Variants in PDE9A observed in about 807,000 individuals in gnomAD.
The protein encoded by PDE9A is high affinity cGMP-specific 3',5'-cyclic phosphodiesterase 9A.
Under a neutral mutation model 87.4 loss-of-function variants are expected in PDE9A, and 60 were observed. The observed-to-expected ratio is 0.69, with a 90% confidence interval of 0.56 to 0.85. The LOEUF is 0.85. PDE9A is among the 40% of genes least tolerant of loss of function. The pLI, the probability that PDE9A is intolerant of heterozygous loss-of-function variation, is 0.00. For missense variants in PDE9A, 665 were observed against 779.0 expected, an observed-to-expected ratio of 0.85 and a Z score of 1.74; for synonymous variants, 272 against 279.4, an observed-to-expected ratio of 0.97 and a Z score of 0.27.
rs2060043568 is a variant in PDE9A at position 42,694,555 on chromosome 21, TTC to T, written c.219-4409_219-4408del. On this transcript the variant is annotated intron_variant, in intron 3 of 19. Transcript: ENST00000291539. This position sits in a 1 kb window ranked among gnomAD's most constrained non-coding sequence, Gnocchi z 5.3. ...TCTTAGAGCTTAAAACTCTAGCTTC[TTC>T]TCTGCTCCTCATTCCAAACTAAACA... Among the ~76,000 whole-genome samples the T allele has an allele frequency of 6.6e-6, 1 of 152,212 alleles. No individual in the cohort carries two copies. The highest frequency in any genetic ancestry group is 2.1e-4 in the South Asian group (1 of 4,834).
rs2055602367 is a variant in PDE9A at position 42,760,487 on chromosome 21, C to T, written c.1002+55C>T. Reference sequence around the variant, plus strand: ...TCTACTCTCGGGGGTCAGACGGAGGCCCCCTTCCAGGGAGCGGCAGCCCCA... The same window carrying T: ...TCTACTCTCGGGGGTCAGACGGAGGTCCCCTTCCAGGGAGCGGCAGCCCCA... On this transcript the variant is annotated intron_variant, in intron 12 of 19. Transcript: ENST00000291539. The surrounding 1 kb of genome is among the most constrained non-coding windows in gnomAD (Gnocchi z 5.2). 2.6e-6 allele frequency: 3 copies of T among 1,134,022 alleles called. No individual in the cohort carries two copies. Among genetic ancestry groups the T allele is most frequent in the Non-Finnish European group, 3.9e-6 (3 of 771,170 alleles). The allele number at this position is 1,134,022 out of a possible 1,614,324, so 70.2% of individuals were successfully genotyped here.
At chr21:42,669,313 C>G (rs769328225) in intron 1 of PDE9A, among the ~76,000 whole-genome samples, 11 of 152,078 alleles carry the variant, frequency 7.2e-5, no homozygotes, top group Admixed American at 6.5e-4. Flanking sequence ...TTGGGAATTG[C>G]GGCCGCATCA....
rs937453650 is a variant in PDE9A at position 42,694,790 on chromosome 21, A to G, written c.219-4178A>G. On this transcript the variant is annotated intron_variant, in intron 3 of 19. Transcript: ENST00000291539. The surrounding 1 kb of genome is among the most constrained non-coding windows in gnomAD (Gnocchi z 5.3). ...AACACACTTTCATCCCATCACTCCC[A>G]GCATGGAGTTCTCCAGTGGCCTGTT... 3.3e-5 allele frequency among the ~76,000 whole-genome samples: 5 copies of G among 152,130 alleles called. No homozygotes were observed. The highest frequency in any genetic ancestry group is 1.2e-4 in the African/African-American group (5 of 41,414).
rs192329997 is a variant in PDE9A, at chr21:42,659,787, C to G, written c.69+5904C>G. On this transcript the variant is annotated intron_variant, in intron 1 of 19. Coordinates refer to ENST00000291539, the MANE Select transcript of PDE9A (RefSeq NM_002606.3). This position sits in a 1 kb window ranked among gnomAD's most constrained non-coding sequence, Gnocchi z 4.1. ...GCCCGCACCTTCGTCTTCCAGCCAG[C>G]CTCTCCGGAGCTCAGTGTGGGTGGA... 6.6e-6 allele frequency among the ~76,000 whole-genome samples: 1 copy of G among 152,340 alleles called. No homozygotes were observed. Among genetic ancestry groups the G allele is most frequent in the Non-Finnish European group, 1.5e-5 (1 of 68,034 alleles).
At position 42,721,938 on chromosome 21, in the gene PDE9A, C is replaced by T. The variant is rs956005561; in HGVS notation, c.263-9832C>T. On this transcript the variant is annotated intron_variant, in intron 4 of 19. Coordinates refer to ENST00000291539, the MANE Select transcript of PDE9A (RefSeq NM_002606.3). ...ATGCAAAAATAAAAAATAAGAGACC[C>T]CTTTTACCCTTTTCTGAAAGGATAG... is the stretch of plus-strand genomic sequence containing the variant. Among the ~76,000 whole-genome samples the T allele has an allele frequency of 1.4e-4, 22 of 151,946 alleles. No individual in the cohort carries two copies. In the Middle Eastern group the frequency reaches 0.01, roughly 70 times the overall value.
At chr21:42,689,694 C>T in intron 3 of PDE9A, 1 of 985,426 alleles carries the variant, frequency 1.0e-6, no homozygotes. Context: ...GCCTTATTAA[C>T]AAGAGACAGT....
intron 17 of PDE9A, 46 bp from the exon 18 acceptor site, chr21:42,770,657 G>T: frequency 6.8e-7 from 1 of 1,470,126 alleles, no homozygotes; most frequent in Non-Finnish European, 9.5e-7. Flanking sequence ...GTTTCCCATT[G>T]CCTTAAGAAC....
chr21:42,662,304 G>A (rs2057564230), intron 1 of PDE9A, among the ~76,000 whole-genome samples: 1 of 152,014 alleles, frequency 6.6e-6, no homozygotes, highest in Non-Finnish European at 1.5e-5. Context: ...CGTGCGTGAA[G>A]GGCCAGCTCA....
chr21:42,726,624 A>ATATATATATATATATTT, intron 4 of PDE9A, among the ~76,000 whole-genome samples: 2 of 19,772 alleles, frequency 1.0e-4, no homozygotes, highest in Admixed American at 8.2e-4. Flanking sequence ...ATATATATAT[A>ATATATATATATATATTT]TTTTTTTTTT....
intron 1 of PDE9A, among the ~76,000 whole-genome samples, chr21:42,666,000 G>A (rs776035143): frequency 6.6e-6 from 1 of 152,204 alleles, no homozygotes; most frequent in South Asian, 2.1e-4. Flanking sequence ...CACAGGAAAC[G>A]CTGCCTTCCT....
chr21:42,742,552 G>A (rs925879981), intron 7 of PDE9A, among the ~76,000 whole-genome samples: 5 of 133,208 alleles, frequency 3.8e-5, no homozygotes, highest in South Asian at 5.1e-4. Context: ...TGCAACCTCC[G>A]CCTCCCGGGT....
intron 3 of PDE9A, among the ~76,000 whole-genome samples, chr21:42,689,028 C>T (rs1429106278): frequency 1.3e-5 from 2 of 151,684 alleles, no homozygotes; most frequent in African/African-American, 4.8e-5. Flanking sequence ...TGGCCAGTGC[C>T]GTCCTCAGCG....
intron 1 of PDE9A, among the ~76,000 whole-genome samples, chr21:42,684,530 G>A (rs552088020): frequency 6.6e-6 from 1 of 152,364 alleles, no homozygotes; most frequent in East Asian, 1.9e-4. Flanking sequence ...AGGACTCCTC[G>A]GCAGTGGGGT....
chr21:42,744,352 C>T (rs1402681801), intron 8 of PDE9A, among the ~76,000 whole-genome samples: 1 of 151,584 alleles, frequency 6.6e-6, no homozygotes, highest in Non-Finnish European at 1.5e-5. Context: ...AAGACTCTGT[C>T]TCAAGAAAAA....
At chr21:42,711,886 G>A (rs75320671) in intron 4 of PDE9A, among the ~76,000 whole-genome samples, 4,206 of 152,044 alleles carry the variant, frequency 0.028, 190 homozygotes, top group African/African-American at 0.094. Context: ...TGGGCCTCTC[G>A]CTGAACTCTG....
chr21:42,695,119 C>T lies in PDE9A; in HGVS notation c.219-3849C>T, dbSNP rs997270680. Among the ~76,000 whole-genome samples the T allele has an allele frequency of 1.3e-5, 2 of 152,214 alleles. No individual in the cohort carries two copies. Among genetic ancestry groups the T allele is most frequent in the African/African-American group, 2.4e-5 (1 of 41,450 alleles). ...CCGGCATTTGAAATAACCTGGAACA[C>T]GTTTACATCATGGAAAATATGGAAA... On this transcript the variant is annotated intron_variant, in intron 3 of 19. Coordinates refer to ENST00000291539, the MANE Select transcript of PDE9A (RefSeq NM_002606.3). This position sits in a 1 kb window ranked among gnomAD's most constrained non-coding sequence, Gnocchi z 4.3.
At chr21:42,764,388 ATCTTCG>A (rs2056152519) in intron 14 of PDE9A, among the ~76,000 whole-genome samples, 1 of 152,160 alleles carries the variant, frequency 6.6e-6, no homozygotes, top group Non-Finnish European at 1.5e-5. Context: ...GCTGTGGCAA[ATCTTCG>A]TCTGCAGTAG....
intron 14 of PDE9A, among the ~76,000 whole-genome samples, chr21:42,763,717 G>T (rs569440401): frequency 1.3e-5 from 2 of 152,216 alleles, no homozygotes; most frequent in Non-Finnish European, 2.9e-5. Context: ...AGTCTAAGTG[G>T]CTTCCTTCCA....
Position 42,695,054 on chromosome 21 carries a change from A to G in PDE9A, c.219-3914A>G, listed in dbSNP as rs2060066798. On this transcript the variant is annotated intron_variant, in intron 3 of 19. Transcript: ENST00000291539. This position sits in a 1 kb window ranked among gnomAD's most constrained non-coding sequence, Gnocchi z 4.3. The stretch of plus-strand genomic sequence containing the variant: ...CACTGGCAGCTGCCTAACCCTTCCT[A>G]TGCTCCTGGACGTTTGGTGCAATCT... 6.6e-6 allele frequency among the ~76,000 whole-genome samples: 1 copy of G among 151,904 alleles called. No individual in the cohort carries two copies. The highest frequency in any genetic ancestry group is 1.5e-5 in the Non-Finnish European group (1 of 67,974).
Sources: allele counts gnomAD v4.1 joint callset (sites outside exome capture counted in the v4.1 genomes callset), GRCh38; gene constraint gnomAD v4.1.1; non-coding constraint Gnocchi (gnomAD v3.1); transcripts MANE v1.5; gene names NCBI Gene and HGNC (gene_info 2026-07-23, HGNC 2026-07-21).